Variants in RARB observed in about 807,000 individuals in gnomAD.
The protein encoded by RARB is HBV-activated protein.
A neutral mutation model predicts 51.9 loss-of-function variants in RARB; 17 were observed. The ratio of observed to expected loss-of-function variants is 0.33; its 90% CI spans 0.22 to 0.49. RARB has a LOEUF of 0.49. Among genes scored for constraint, RARB ranks in the 20% least tolerant of loss-of-function variants. The probability of loss-of-function intolerance (pLI) is 0.99; values close to 1 mark genes in which losing one functional copy is unlikely to be tolerated. For missense variants in RARB, 369 were observed against 550.8 expected (o/e 0.67, Z 3.30); for synonymous variants, 215 against 195.4 (o/e 1.10, Z -0.84).
intron 2 of RARB, among the ~76,000 whole-genome samples, chr3:25,463,916 C>T (rs1386298637): frequency 6.6e-6 from 1 of 152,048 alleles, no homozygotes; most frequent in East Asian, 1.9e-4. Flanking sequence ...ATATGGGCAA[C>T]CAGTTGGCAG....
intron 5 of RARB, among the ~76,000 whole-genome samples, chr3:25,366,046 A>C (rs1000081386): frequency 1.3e-5 from 2 of 152,242 alleles, no homozygotes; most frequent in Non-Finnish European, 2.9e-5. Flanking sequence ...AGTGCAGGAC[A>C]CATTTCTTCC....
intron 1 of RARB, among the ~76,000 whole-genome samples, chr3:24,830,420 C>CGTGTGTGTGTGTGTGTGTGTGTGT (rs59434163): frequency 4.0e-4 from 49 of 121,512 alleles, no homozygotes; most frequent in African/African-American, 1.6e-3. Flanking sequence ...TGACAGAAGA[C>CGTGTGTGTGTGTGTGTGTGTGTGT]GTGTGTGTGT....
chr3:25,422,114 G>A (rs1256177067), intron 5 of RARB, among the ~76,000 whole-genome samples: 5 of 152,168 alleles, frequency 3.3e-5, no homozygotes, highest in Non-Finnish European at 5.9e-5. Context: ...AAACAGCAGA[G>A]TTTAAAAGCC....
intron 5 of RARB, among the ~76,000 whole-genome samples, chr3:25,271,837 G>T (rs1440635009): frequency 6.6e-6 from 1 of 152,018 alleles, no homozygotes; most frequent in Non-Finnish European, 1.5e-5. Context: ...GTTCAATCTT[G>T]CTGAATAAGC....
intron 4 of RARB, among the ~76,000 whole-genome samples, chr3:25,163,504 A>AAAAAAAAAAAAAAATATATATAT (rs1303712411): frequency 2.3e-5 from 3 of 131,124 alleles, no homozygotes; most frequent in African/African-American, 6.4e-5. Flanking sequence ...CCTATCTCAA[A>AAAAAAAAAAAAAAATATATATAT]ATATATATAT....
intron 5 of RARB, among the ~76,000 whole-genome samples, chr3:25,380,597 A>T (rs1334298595): frequency 8.8e-6 from 1 of 114,052 alleles, no homozygotes; most frequent in Non-Finnish European, 2.1e-5. Flanking sequence ...TCAAGAAAAA[A>T]AATAAACAAG....
intron 5 of RARB, among the ~76,000 whole-genome samples, chr3:25,302,916 T>C (rs564734490): frequency 6.6e-6 from 1 of 152,338 alleles, no homozygotes; most frequent in South Asian, 2.1e-4. Context: ...AGAATTTGTG[T>C]GTATGTAAGA....
chr3:25,201,918 A>C (rs1231055075), intron 5 of RARB, among the ~76,000 whole-genome samples: 2 of 151,360 alleles, frequency 1.3e-5, no homozygotes, highest in African/African-American at 4.9e-5. Context: ...TCTTTCTGCC[A>C]GGCTTTGGTA....
chr3:25,415,509 G>A (rs137973254), intron 5 of RARB, among the ~76,000 whole-genome samples: 2 of 151,710 alleles, frequency 1.3e-5, no homozygotes, highest in South Asian at 4.2e-4. Flanking sequence ...TGTTTTATTT[G>A]TATGCAATAT....
At chr3:25,564,264 G>A (rs1039161892) in intron 3 of RARB, among the ~76,000 whole-genome samples, 2 of 152,130 alleles carry the variant, frequency 1.3e-5, no homozygotes, top group African/African-American at 4.8e-5. Flanking sequence ...TATGATAGTG[G>A]ATCATAAATA....
At chr3:25,499,103 T>C (rs1269424691) in intron 2 of RARB, among the ~76,000 whole-genome samples, 3 of 152,166 alleles carry the variant, frequency 2.0e-5, no homozygotes, top group Non-Finnish European at 4.4e-5. Flanking sequence ...CCAGTAAAAA[T>C]ATGCTTATTT....
At chr3:25,235,293 C>G (rs1253528705) in intron 5 of RARB, among the ~76,000 whole-genome samples, 1 of 152,066 alleles carries the variant, frequency 6.6e-6, no homozygotes, top group African/African-American at 2.4e-5. Context: ...TGGATTTACC[C>G]CATCTTGATC....
At chr3:25,147,076 G>C (rs779944503) in intron 4 of RARB, among the ~76,000 whole-genome samples, 1 of 152,166 alleles carries the variant, frequency 6.6e-6, no homozygotes, top group Admixed American at 6.5e-5. Flanking sequence ...TGAGCAGCCA[G>C]GGTGGGGAAT....
intron 2 of RARB, among the ~76,000 whole-genome samples, chr3:24,970,193 T>A (rs1017016434): frequency 2.0e-5 from 3 of 152,114 alleles, no homozygotes; most frequent in Non-Finnish European, 2.9e-5. Context: ...AGATTTGGCC[T>A]ATGGCTGTAG....
intron 3 of RARB, among the ~76,000 whole-genome samples, chr3:25,071,577 C>T (rs756666414): frequency 1.3e-5 from 2 of 152,152 alleles, no homozygotes; most frequent in Non-Finnish European, 2.9e-5. Context: ...AGTTCTTTTG[C>T]TTCCTGTCTA....
At chr3:25,325,814 G>T (rs943239656) in intron 5 of RARB, among the ~76,000 whole-genome samples, 1 of 151,384 alleles carries the variant, frequency 6.6e-6, no homozygotes, top group African/African-American at 2.4e-5. Flanking sequence ...AAAACAAAGT[G>T]GGGGGCGGGG....
chr3:25,308,569 C>G lies in RARB; in HGVS notation c.178+133994C>G, dbSNP rs1704209258. Among the ~76,000 whole-genome samples, 4 of 151,902 alleles carry G rather than the reference C, an allele frequency of 2.6e-5. No homozygotes were observed. The South Asian group carries it at 8.3e-4, about 32-fold the overall frequency. ...GTTCAAGCGATTCTCGTGCCTCAGCCTCCAGAGTAGCTGGGATTACAGGCA... is the reference window on the plus strand; with the variant it reads ...GTTCAAGCGATTCTCGTGCCTCAGCGTCCAGAGTAGCTGGGATTACAGGCA... On this transcript the variant is annotated intron_variant, in intron 5 of 11. Coordinates refer to the RARB transcript ENST00000383772.
At chr3:25,561,918 C>T (rs979324658) in intron 3 of RARB, among the ~76,000 whole-genome samples, 2 of 152,184 alleles carry the variant, frequency 1.3e-5, no homozygotes, top group African/African-American at 4.8e-5. Context: ...TTTTGCCCTC[C>T]TGCCCTTCAT....
chr3:25,206,266 G>A (rs1156948714), intron 5 of RARB, among the ~76,000 whole-genome samples: 4 of 152,166 alleles, frequency 2.6e-5, no homozygotes, highest in Admixed American at 2.0e-4. Flanking sequence ...AATTGAACTA[G>A]CTAGTGTTCT....
Sources: gnomAD v4.1 joint callset for allele counts (sites outside exome capture counted in the v4.1 genomes callset) on GRCh38, gnomAD v4.1.1 for gene constraint, MANE v1.5 for transcripts, NCBI Gene and HGNC (gene_info 2026-07-23, HGNC 2026-07-21) for gene names.